Variants in GNA13 observed in about 807,000 individuals in gnomAD.
GNA13 encodes G protein subunit alpha 13.
In GNA13, 4 loss-of-function variants were observed where a neutral mutation model predicts 33.5. The observed-to-expected ratio is 0.12, with a 90% CI of 0.06 to 0.27. GNA13 has a LOEUF of 0.27. Among genes scored for constraint, GNA13 ranks in the 10% least tolerant of loss-of-function variants. The pLI, the probability that GNA13 is intolerant of heterozygous loss-of-function variation, is 1.00. For synonymous variants in GNA13, 176 were observed against 183.8 expected (o/e 0.96, Z 0.34); for missense variants, 319 against 487.2 (o/e 0.65, Z 3.25).
At chr17:65,026,119 A>G (rs1906773347) in intron 2 of GNA13, among the ~76,000 whole-genome samples, 1 of 151,906 alleles carries the variant, frequency 6.6e-6, no homozygotes, top group African/African-American at 2.4e-5. Context: ...ATATTAGTTA[A>G]TCATCACTAA....
At chr17:65,033,736 C>A (rs562600927) in intron 2 of GNA13, among the ~76,000 whole-genome samples, 1 of 151,828 alleles carries the variant, frequency 6.6e-6, no homozygotes, top group East Asian at 1.9e-4. Context: ...CAAAAGAGGC[C>A]GGGCTTGGTG....
chr17:65,023,689 A>G (rs1175012662), intron 2 of GNA13, among the ~76,000 whole-genome samples: 2 of 152,236 alleles, frequency 1.3e-5, no homozygotes, highest in Non-Finnish European at 2.9e-5. Flanking sequence ...AGTTAAAACA[A>G]AAAGTGAGAC....
At chr17:65,016,631 G>A (rs1172337150) in intron 3 of GNA13, among the ~76,000 whole-genome samples, 1 of 152,200 alleles carries the variant, frequency 6.6e-6, no homozygotes. Flanking sequence ...CAATGTGCTC[G>A]GATTATAGGC....
intron 2 of GNA13, among the ~76,000 whole-genome samples, chr17:65,049,515 C>A (rs1163415630): frequency 6.6e-6 from 1 of 152,164 alleles, no homozygotes; most frequent in Non-Finnish European, 1.5e-5. Flanking sequence ...TACCAAAGGA[C>A]TTCTACATGA....
intron 2 of GNA13, among the ~76,000 whole-genome samples, chr17:65,042,837 T>A (rs779065119): frequency 3.3e-5 from 5 of 152,222 alleles, no homozygotes; most frequent in Non-Finnish European, 7.3e-5. Flanking sequence ...AAGTAATATA[T>A]TCTACATTAT....
intron 2 of GNA13, among the ~76,000 whole-genome samples, chr17:65,047,312 C>G (rs1422815191): frequency 1.3e-5 from 2 of 152,094 alleles, no homozygotes; most frequent in Non-Finnish European, 2.9e-5. Flanking sequence ...CACTTGAGCC[C>G]AGGAGTCCCA....
intron 2 of GNA13, among the ~76,000 whole-genome samples, chr17:65,021,223 T>C (rs535231416): frequency 6.6e-5 from 10 of 152,334 alleles, no homozygotes; most frequent in Non-Finnish European, 1.5e-4. Flanking sequence ...TAGACTTTAT[T>C]ACTGACAAAG....
chr17:65,046,689 G>A (rs78120392), intron 2 of GNA13, among the ~76,000 whole-genome samples: 6,016 of 152,246 alleles, frequency 0.04, 361 homozygotes, highest in African/African-American at 0.14. Flanking sequence ...TTTCTTTAAA[G>A]TAAGCTCACA....
intron 2 of GNA13, among the ~76,000 whole-genome samples, chr17:65,032,071 G>T (rs940711464): frequency 1.8e-4 from 27 of 152,028 alleles, no homozygotes; most frequent in Non-Finnish European, 3.1e-4. Flanking sequence ...GCTGTTCATT[G>T]TAACAGTAGG....
chr17:65,050,097 GT>G lies in GNA13; in HGVS notation c.510+3404del, dbSNP rs570416048. 1.2e-4 allele frequency among the ~76,000 whole-genome samples: 19 copies of G among 152,324 alleles called. No homozygotes were observed. The South Asian group carries it at 2.5e-3, about 20-fold the overall frequency. On this transcript the variant is annotated intron_variant, in intron 2 of 3. Coordinates refer to ENST00000439174, the MANE Select transcript of GNA13 (RefSeq NM_006572.6). ...TACTCCCACAAAAAAGCTGAGCTCT[GT>G]TCTGAAGACAATGGTGAGCCACCAA... is the stretch of plus-strand genomic sequence containing the variant.
chr17:65,029,869 G>GTT (rs1004066097), intron 2 of GNA13, among the ~76,000 whole-genome samples: 1 of 146,012 alleles, frequency 6.8e-6, no homozygotes. Flanking sequence ...GAACGGGAAG[G>GTT]TTTTTTTTTT....
At chr17:65,036,076 G>GC (rs1907235786) in intron 2 of GNA13, among the ~76,000 whole-genome samples, 1 of 152,136 alleles carries the variant, frequency 6.6e-6, no homozygotes, top group African/African-American at 2.4e-5. Flanking sequence ...CAAAACAGGT[G>GC]AAAGGAAAAC....
rs115602573 is a variant in GNA13 at position 65,031,293 on chromosome 17, A to T, written c.511-12990T>A. 8.6e-3 allele frequency among the ~76,000 whole-genome samples: 1,311 copies of T among 152,368 alleles called. 19 individuals carry two copies. Among genetic ancestry groups the T allele is most frequent in the African/African-American group, 0.029 (1,221 of 41,580 alleles). ...GTAAAGATATACTACAAAAGATTTT[A>T]AAAATGCTACACCTGTATAGGGCAG... On this transcript the variant is annotated intron_variant, in intron 2 of 3. Coordinates refer to ENST00000439174, the MANE Select transcript of GNA13 (RefSeq NM_006572.6).
intron 2 of GNA13, among the ~76,000 whole-genome samples, chr17:65,049,413 T>G (rs191828004): frequency 6.6e-6 from 1 of 152,298 alleles, no homozygotes; most frequent in Non-Finnish European, 1.5e-5. Flanking sequence ...TTTATTTTTT[T>G]AGAACATCTT....
At chr17:65,047,140 G>A (rs1396097544) in intron 2 of GNA13, among the ~76,000 whole-genome samples, 1 of 152,108 alleles carries the variant, frequency 6.6e-6, no homozygotes, top group East Asian at 1.9e-4. Context: ...TAAACATAAA[G>A]CTCTGGGTTT....
chr17:65,032,978 G>A (rs1907103513), intron 2 of GNA13, among the ~76,000 whole-genome samples: 1 of 152,058 alleles, frequency 6.6e-6, no homozygotes, highest in Admixed American at 6.6e-5. Flanking sequence ...GGGCGTGGTG[G>A]CTGGCACCTG....
chr17:65,013,340 G>A lies in GNA13; in HGVS notation c.*917C>T, dbSNP rs1036090721. On this transcript the variant is annotated 3_prime_UTR_variant, in exon 4 of 4. Transcript: ENST00000439174. ...TACAACAATGATTTCCTACAGTAAG[G>A]ATTGGTCTTTACTGACCAACTGAGA... The A allele has an allele frequency of 4.8e-6, 1 of 209,862 alleles. No individual in the cohort carries two copies. Among genetic ancestry groups the A allele is most frequent in the African/African-American group, 2.3e-5 (1 of 44,084 alleles). 13.0% of individuals were successfully genotyped at this position (209,862 alleles called of 1,614,324 possible). A position where few individuals can be genotyped will look rare whatever the true frequency, so the allele number is the denominator to read the frequency against.
Position 65,056,559 on chromosome 17 carries a change from G to C in GNA13, c.35C>G (p.Ser12Cys). 1.2e-6 allele frequency: 2 copies of C among 1,611,046 alleles called. No homozygotes were observed. Among genetic ancestry groups the C allele is most frequent in the East Asian group, 2.2e-5 (1 of 44,762 alleles). The change falls in exon 1 of 4, where the codon TCC becomes TGC. Residue 12 changes from serine to cysteine, a missense_variant. Ser to Cys is a moderately radical substitution (Grantham distance 112). Coordinates refer to ENST00000439174, the MANE Select transcript of GNA13 (RefSeq NM_006572.6). ...CAGCAGGCAGCCGGGGAAGCACACG[G>C]ACAGCACGGACCGCGACGGCAGGAA... Reference protein sequence around the residue: ...ADFLPSRSVLSVCFPGCLLTS... With the variant: ...ADFLPSRSVLCVCFPGCLLTS...
intron 2 of GNA13, among the ~76,000 whole-genome samples, chr17:65,031,225 T>C (rs2143795651): frequency 1.3e-5 from 2 of 152,338 alleles, no homozygotes; most frequent in Middle Eastern, 6.8e-3. Context: ...GCAGCTGTAA[T>C]ACAATGGTAA....
Sources: allele counts gnomAD v4.1 joint callset (sites outside exome capture counted in the v4.1 genomes callset), GRCh38; gene constraint gnomAD v4.1.1; transcripts MANE v1.5; gene names NCBI Gene and HGNC (gene_info 2026-07-23, HGNC 2026-07-21).